The following SCAPER variants were observed in gnomAD, a reference collection of about 807,000 sequenced individuals.
SCAPER encodes the protein S-phase cyclin A associated protein in the ER.
SCAPER carries 98 observed loss-of-function variants against 182.2 expected under a neutral mutation model. The observed-to-expected ratio is 0.54, with a 90% CI of 0.46 to 0.64. The LOEUF (loss-of-function observed/expected upper bound fraction) is 0.64, where lower values mean the gene tolerates loss of function less well. SCAPER is among the 30% of genes least tolerant of loss of function. The pLI, the probability that SCAPER is intolerant of heterozygous loss-of-function variation, is 0.00. For synonymous variants in SCAPER, 605 were observed against 564.6 expected, an observed-to-expected ratio of 1.07 and a Z score of -1.01; for missense variants, 1,432 against 1,690.0, an observed-to-expected ratio of 0.85 and a Z score of 2.68.
chr15:76,596,261 G>GAAT (rs1567553719), intron 22 of SCAPER, among the ~76,000 whole-genome samples: 2 of 108,322 alleles, frequency 1.8e-5, no homozygotes, highest in Admixed American at 1.1e-4. Context: ...AAACCAGGAA[G>GAAT]AAGAATCCCT....
chr15:76,662,189 G>A (rs1255053430), intron 21 of SCAPER, among the ~76,000 whole-genome samples: 7 of 152,130 alleles, frequency 4.6e-5, no homozygotes, highest in East Asian at 1.9e-4. Context: ...CAGGGGTCGA[G>A]AGGAAAGAAA....
intron 15 of SCAPER, among the ~76,000 whole-genome samples, chr15:76,735,948 T>C (rs1248985211): frequency 6.6e-6 from 1 of 152,186 alleles, no homozygotes; most frequent in Non-Finnish European, 1.5e-5. Flanking sequence ...TATCTGTGGG[T>C]TCTGCATCCA....
At chr15:76,430,827 G>A (rs918158466) in intron 26 of SCAPER, among the ~76,000 whole-genome samples, 1 of 152,122 alleles carries the variant, frequency 6.6e-6, no homozygotes, top group African/African-American at 2.4e-5. Flanking sequence ...GAAATGTGAG[G>A]ACATGAGATT....
At chr15:76,867,412 C>A (rs1260402627) in intron 2 of SCAPER, among the ~76,000 whole-genome samples, 1 of 152,132 alleles carries the variant, frequency 6.6e-6, no homozygotes, top group Non-Finnish European at 1.5e-5. Flanking sequence ...ACCTGAGAAA[C>A]CATGTAACTA....
intron 20 of SCAPER, among the ~76,000 whole-genome samples, chr15:76,676,287 G>A (rs995413691): frequency 6.6e-6 from 1 of 152,106 alleles, no homozygotes; most frequent in African/African-American, 2.4e-5. Flanking sequence ...CACTGGCTGG[G>A]ATCAGAAAAA....
intron 28 of SCAPER, among the ~76,000 whole-genome samples, chr15:76,379,440 T>C (rs2042789483): frequency 6.6e-6 from 1 of 150,744 alleles, no homozygotes; most frequent in Non-Finnish European, 1.5e-5. Flanking sequence ...TGAGAATAAT[T>C]GTTTTTTATT....
At chr15:76,723,567 AGT>A (rs1228703405) in intron 17 of SCAPER, among the ~76,000 whole-genome samples, 1 of 152,124 alleles carries the variant, frequency 6.6e-6, no homozygotes, top group African/African-American at 2.4e-5. Context: ...TGGAAGTCTA[AGT>A]CTCTTTGTAG....
At chr15:76,639,406 G>T (rs756340346) in intron 21 of SCAPER, among the ~76,000 whole-genome samples, 51 of 152,264 alleles carry the variant, frequency 3.3e-4, no homozygotes, top group Middle Eastern at 3.4e-3. Context: ...CAGTGGAAAG[G>T]CGCAGGGATT....
intron 21 of SCAPER, among the ~76,000 whole-genome samples, chr15:76,627,578 A>G (rs994569470): frequency 2.6e-5 from 4 of 152,156 alleles, no homozygotes; most frequent in Non-Finnish European, 5.9e-5. Context: ...TTTGCTGAGG[A>G]TAATAGCTTC....
At chr15:76,702,730 T>C in intron 19 of SCAPER, 120 bp downstream of exon 19, 1 of 1,156,350 alleles carries the variant, frequency 8.6e-7, no homozygotes, top group South Asian at 1.6e-5. Context: ...ATTACAGGTG[T>C]GAGCTGCCAC....
At chr15:76,733,911 T>C (rs1325709301) in intron 15 of SCAPER, among the ~76,000 whole-genome samples, 3 of 152,136 alleles carry the variant, frequency 2.0e-5, no homozygotes, top group Non-Finnish European at 4.4e-5. Context: ...GTATAAAAAA[T>C]CCACAGGCCT....
At chr15:76,622,596 T>G (rs778761963) in intron 21 of SCAPER, among the ~76,000 whole-genome samples, 52 of 152,286 alleles carry the variant, frequency 3.4e-4, no homozygotes, top group Middle Eastern at 3.4e-3. Flanking sequence ...GCCTAAATAT[T>G]AAGATTTTTA....
At chr15:76,862,559 T>TC in intron 2 of SCAPER, 26 bp from the exon 3 acceptor site, 7 of 1,314,954 alleles carry the variant, frequency 5.3e-6, no homozygotes, top group East Asian at 2.4e-5. Context: ...ATGGTACTTA[T>TC]TAGATTATTA....
intron 21 of SCAPER, among the ~76,000 whole-genome samples, chr15:76,640,731 C>T (rs1404942307): frequency 2.0e-5 from 3 of 152,176 alleles, no homozygotes; most frequent in Admixed American, 6.5e-5. Context: ...GGGAGACCCC[C>T]TGAAACTATT....
intron 23 of SCAPER, among the ~76,000 whole-genome samples, chr15:76,520,609 C>T (rs553594978): frequency 6.6e-6 from 1 of 152,262 alleles, no homozygotes; most frequent in South Asian, 2.1e-4. Context: ...CCCCCACCCC[C>T]TCAACAGACA....
At chr15:76,738,449 C>A (rs2061384672) in intron 15 of SCAPER, among the ~76,000 whole-genome samples, 1 of 151,814 alleles carries the variant, frequency 6.6e-6, no homozygotes, top group African/African-American at 2.4e-5. Flanking sequence ...GACTTAGAGG[C>A]CACTCGTGAA....
chr15:76,810,530 T>G (rs1294287917), intron 5 of SCAPER, among the ~76,000 whole-genome samples: 2 of 110,230 alleles, frequency 1.8e-5, no homozygotes, highest in African/African-American at 3.9e-5. Flanking sequence ...AATCAAAATC[T>G]AGCAATACAA....
At chr15:76,420,705 T>A (rs1247801475) in intron 26 of SCAPER, among the ~76,000 whole-genome samples, 1 of 152,190 alleles carries the variant, frequency 6.6e-6, no homozygotes, top group African/African-American at 2.4e-5. Flanking sequence ...TGCGCCATGT[T>A]GGTGTGCTGC....
At chr15:76,900,853 C>G (rs1214679469) in intron 1 of SCAPER, among the ~76,000 whole-genome samples, 1 of 152,194 alleles carries the variant, frequency 6.6e-6, no homozygotes, top group Non-Finnish European at 1.5e-5. Context: ...GAATTATCCA[C>G]ATATTGGTCA....
Sources: allele counts gnomAD v4.1 joint callset (sites outside exome capture counted in the v4.1 genomes callset), GRCh38; gene constraint gnomAD v4.1.1; transcripts MANE v1.5; gene names NCBI Gene and HGNC (gene_info 2026-07-23, HGNC 2026-07-21).